Variants in EEF2K observed in about 807,000 individuals in gnomAD.
EEF2K encodes alternative protein EEF2K.
Under a neutral mutation model 93.8 loss-of-function variants are expected in EEF2K, and 70 were observed. The ratio of observed to expected loss-of-function variants is 0.75; its 90% CI spans 0.62 to 0.91. EEF2K has a LOEUF of 0.91. Among genes scored for constraint, EEF2K ranks in the 40% least tolerant of loss-of-function variants. The pLI, the probability that EEF2K is intolerant of heterozygous loss-of-function variation, is 0.00. For missense variants in EEF2K, 935 were observed against 972.9 expected, an observed-to-expected ratio of 0.96 and a Z score of 0.52; for synonymous variants, 376 against 380.8, an observed-to-expected ratio of 0.99 and a Z score of 0.15.
In EEF2K at chr16:22,257,282, C is replaced by A. The variant is rs780150262; in HGVS notation, c.798C>A (p.Ser266=). The A allele has an allele frequency of 6.2e-7, 1 of 1,613,980 alleles. No individual in the cohort carries two copies. Among genetic ancestry groups the A allele is most frequent in the African/African-American group, 1.3e-5 (1 of 74,892 alleles). Residue 266 remains serine, a synonymous_variant, in exon 8 of 18, where the codon TCC becomes TCA. Transcript: ENST00000263026. The part of the protein sequence containing the change: ...QAFSHFTFER[S]GHQLIVVDIQ... ...TCAGCCACTTCACTTTTGAGCGTTC[C>A]GGCCATCAGCTGATAGTGGTGGACA...
chr16:22,217,360 C>T (rs1284285732), intron 1 of EEF2K, among the ~76,000 whole-genome samples: 1 of 151,832 alleles, frequency 6.6e-6, no homozygotes, highest in African/African-American at 2.4e-5. Context: ...CAGTACCCCA[C>T]CTATATGATC....
chr16:22,225,336 G>A (rs932493635), intron 1 of EEF2K, among the ~76,000 whole-genome samples: 1 of 152,194 alleles, frequency 6.6e-6, no homozygotes, highest in Non-Finnish European at 1.5e-5. Context: ...GCTGCCAGGG[G>A]TGGGCGTTAA....
chr16:22,231,998 C>CAAAAAAAAAAA (rs35198909), intron 2 of EEF2K, among the ~76,000 whole-genome samples: 7 of 65,980 alleles, frequency 1.1e-4, no homozygotes, highest in East Asian at 5.0e-4. Flanking sequence ...CTTAAACAAA[C>CAAAAAAAAAAA]AAAAAAAAAA....
chr16:22,217,151 A>G (rs989952523), intron 1 of EEF2K, among the ~76,000 whole-genome samples: 1 of 127,354 alleles, frequency 7.9e-6, no homozygotes, highest in Middle Eastern at 3.7e-3. Context: ...ACAGAGCAAG[A>G]CCCTGTCTCA....
At chr16:22,260,567 C>G (rs372259640) in intron 11 of EEF2K, 38 bp downstream of exon 11, 1 of 1,613,038 alleles carries the variant, frequency 6.2e-7, no homozygotes, top group Non-Finnish European at 8.5e-7. Flanking sequence ...GCTTCAGACC[C>G]CAGCAGGGGT....
chr16:22,242,464 G>A (rs186497395), intron 2 of EEF2K, among the ~76,000 whole-genome samples: 73 of 151,656 alleles, frequency 4.8e-4, no homozygotes, highest in East Asian at 5.8e-4. Context: ...GGGATTACAC[G>A]TATGCACCCA....
rs1409160687 is a variant in EEF2K, at chr16:22,226,048, G to T, written c.246+73G>T. ...AAGGGATGGAGGGTTGGAGTCGCTG[G>T]TTGGGGACTTCTTCGTATTTCCAAA... On this transcript the variant is annotated intron_variant, in intron 2 of 17. Coordinates refer to ENST00000263026, the MANE Select transcript of EEF2K (RefSeq NM_013302.5). 7.0e-6 allele frequency: 11 copies of T among 1,572,132 alleles called. No homozygotes were observed. In the South Asian group the frequency reaches 7.2e-5, roughly 10 times the overall value.
chr16:22,210,753 G>T (rs1362831135), intron 1 of EEF2K, among the ~76,000 whole-genome samples: 1 of 152,212 alleles, frequency 6.6e-6, no homozygotes, highest in Non-Finnish European at 1.5e-5. Flanking sequence ...CCTGAGGGAT[G>T]AGCAGTCAAG....
Position 22,283,930 on chromosome 16 carries a change from GA to G in EEF2K, c.2114del (p.Lys705ArgfsTer40). On this transcript the variant is annotated frameshift_variant, in exon 18 of 18. Coordinates refer to ENST00000263026, the MANE Select transcript of EEF2K (RefSeq NM_013302.5). LOFTEE classifies it high-confidence loss of function. ...QAAEAAMEAM[K>X]GRLANQYYQK... ...CAGCAGAGGCAGCGATGGAAGCCAT[GA>G]AGGGCCGACTGGCCAACCAGTACTA... 1 of 1,600,988 alleles carries G rather than the reference GA, an allele frequency of 6.2e-7. No homozygotes were observed. The highest frequency in any genetic ancestry group is 8.5e-7 in the Non-Finnish European group (1 of 1,174,090).
intron 1 of EEF2K, among the ~76,000 whole-genome samples, chr16:22,210,938 A>C (rs1246845817): frequency 3.3e-5 from 5 of 152,202 alleles, no homozygotes; most frequent in Admixed American, 2.6e-4. Flanking sequence ...GGGCAGGATC[A>C]CAGTGGAGAG....
At chr16:22,257,038 G>A in intron 7 of EEF2K, 141 bp downstream of exon 7, 1 of 1,426,838 alleles carries the variant, frequency 7.0e-7, no homozygotes, top group South Asian at 1.4e-5. Context: ...TTCAGAAGGA[G>A]ACCCGTCACC....
intron 1 of EEF2K, among the ~76,000 whole-genome samples, chr16:22,213,416 C>A (rs2046933436): frequency 1.3e-5 from 2 of 152,254 alleles, no homozygotes; most frequent in South Asian, 4.1e-4. Flanking sequence ...GCATCCCTGG[C>A]CTCTATCCAC....
chr16:22,266,276 G>A, intron 13 of EEF2K, 114 bp from the exon 14 acceptor site: 1 of 1,447,730 alleles, frequency 6.9e-7, no homozygotes, highest in Non-Finnish European at 9.2e-7. Flanking sequence ...ACATCGTGAG[G>A]GTTCACTCCC....
chr16:22,243,569 ATAC>A (rs1208105681), intron 2 of EEF2K, among the ~76,000 whole-genome samples: 1 of 151,484 alleles, frequency 6.6e-6, no homozygotes, highest in Non-Finnish European at 1.5e-5. Flanking sequence ...GAAAAGTTTT[ATAC>A]CCCCGATGGT....
chr16:22,266,517 T>G lies in EEF2K; in HGVS notation c.1568T>G (p.Leu523Trp), dbSNP rs1026614407. The G allele has an allele frequency of 1.9e-6, 3 of 1,614,182 alleles. No homozygotes were observed. Among genetic ancestry groups the G allele is most frequent in the Non-Finnish European group, 2.5e-6 (3 of 1,180,022 alleles). ...DLEKKIGKSILGKVHLAMVRY... is the reference protein window; with the variant it reads ...DLEKKIGKSIWGKVHLAMVRY... ...GAAAAGAAAATCGGGAAGTCCATTT[T>G]GGGGAAGGTATCGGCGATGCCCATT... Residue 523 changes from leucine (L) to tryptophan (W), a missense_variant, in exon 14 of 18, where the codon TTG becomes TGG. By Grantham distance (61) the Leu-to-Trp change is moderately conservative. Coordinates refer to ENST00000263026, the MANE Select transcript of EEF2K (RefSeq NM_013302.5).
At chr16:22,249,695 A>G (rs772988912) in intron 4 of EEF2K, among the ~76,000 whole-genome samples, 4 of 151,394 alleles carry the variant, frequency 2.6e-5, no homozygotes, top group Non-Finnish European at 5.9e-5. Context: ...GCAGCCCTGA[A>G]CTCCTGGGCT....
At chr16:22,265,129 G>T (rs1450165930) in intron 13 of EEF2K, 2 of 443,246 alleles carry the variant, frequency 4.5e-6, no homozygotes, top group East Asian at 3.7e-5. Flanking sequence ...ATCACCACAG[G>T]GACAGCTCCT....
At chr16:22,218,352 G>A (rs1342211943) in intron 1 of EEF2K, among the ~76,000 whole-genome samples, 2 of 152,218 alleles carry the variant, frequency 1.3e-5, no homozygotes, top group African/African-American at 2.4e-5. Context: ...TGGCCAGCTC[G>A]GGGTGCCACG....
intron 3 of EEF2K, among the ~76,000 whole-genome samples, chr16:22,245,408 G>A (rs2047278274): frequency 6.6e-6 from 1 of 152,078 alleles, no homozygotes; most frequent in Non-Finnish European, 1.5e-5. Context: ...CTGGGCCGGT[G>A]CAAACTGTGC....
Sources: allele counts gnomAD v4.1 joint callset (sites outside exome capture counted in the v4.1 genomes callset), GRCh38; gene constraint gnomAD v4.1.1; transcripts MANE v1.5; gene names NCBI Gene and HGNC (gene_info 2026-07-23, HGNC 2026-07-21).